VIM: variants seen among roughly 807,000 people sequenced by gnomAD.
The protein encoded by VIM is vimentin.
Under a neutral mutation model 50.3 loss-of-function variants are expected in VIM, and 18 were observed. The ratio of observed to expected loss-of-function variants is 0.36; its 90% CI spans 0.25 to 0.53. The LOEUF is 0.53. Ranked by LOEUF, VIM falls within the 20% of genes least tolerant of loss-of-function variation. VIM has a pLI of 0.91. For synonymous variants in VIM, 245 were observed against 248.5 expected (o/e 0.99, Z 0.13); for missense variants, 551 against 614.7 (o/e 0.90, Z 1.10).
At chr10:17,234,901 TTGAG>T in intron 6 of VIM, 83 bp downstream of exon 6, 1 of 1,582,374 alleles carries the variant, frequency 6.3e-7, no homozygotes, top group Non-Finnish European at 8.7e-7. Context: ...GAACAAAATG[TTGAG>T]TGAGTAAAAA....
intron 2 of VIM, chr10:17,230,274 T>C: frequency 1.7e-6 from 1 of 576,868 alleles, no homozygotes; most frequent in Non-Finnish European, 3.1e-6. Context: ...TTGAAGGCCC[T>C]TGGGCACAAT....
intron 9 of VIM, among the ~76,000 whole-genome samples, chr10:17,236,727 G>A (rs2131684616): frequency 1.3e-5 from 2 of 152,238 alleles, no homozygotes; most frequent in East Asian, 3.9e-4. Context: ...TTTGATCCTG[G>A]ACATATGGTG....
chr10:17,229,331 C>A lies in VIM; in HGVS notation c.-92C>A. The A allele has an allele frequency of 7.4e-7, 1 of 1,356,282 alleles. No homozygotes were observed. Among genetic ancestry groups the A allele is most frequent in the Non-Finnish European group, 1.0e-6 (1 of 988,458 alleles). 84.0% of individuals were successfully genotyped at this position (1,356,282 alleles called of 1,614,324 possible). On this transcript the variant is annotated 5_prime_UTR_variant, in exon 2 of 10. Coordinates refer to ENST00000544301, the MANE Select transcript of VIM (RefSeq NM_003380.5). ...CGCCAGAGACGCAGCCGCGCTCCCA[C>A]CACCCACACCCACCGCGCCCTCGTT...
chr10:17,236,257 T>G, intron 8 of VIM, 37 bp from the exon 9 acceptor site: 1 of 1,491,198 alleles, frequency 6.7e-7, no homozygotes, highest in Non-Finnish European at 9.4e-7. Flanking sequence ...AAGAAAAAAC[T>G]CGTTTTTACT....
intron 5 of VIM, among the ~76,000 whole-genome samples, chr10:17,234,471 AC>A (rs1437173819): frequency 1.3e-5 from 2 of 152,036 alleles, no homozygotes; most frequent in African/African-American, 4.8e-5. Flanking sequence ...CTCCAAGTAA[AC>A]CCCAATGCCA....
intron 5 of VIM, 55 bp downstream of exon 5, chr10:17,233,986 C>T: frequency 6.4e-7 from 1 of 1,564,574 alleles, no homozygotes; most frequent in Non-Finnish European, 8.7e-7. Context: ...GTTCTCAAAA[C>T]CCCATACCTG....
rs564304013 is a variant in VIM at position 17,235,771 on chromosome 10, A to G, written c.1230-75A>G. On this transcript the variant is annotated intron_variant, in intron 7 of 9. Transcript: ENST00000544301. Reference sequence around the variant, plus strand: ...ACGTTTTCTTACGTGACGAAAACAAAAAGTGTGTTAATTTGTTCCCAGTGG... The same window carrying G: ...ACGTTTTCTTACGTGACGAAAACAAGAAGTGTGTTAATTTGTTCCCAGTGG... 31 of 1,430,398 alleles carry G rather than the reference A, an allele frequency of 2.2e-5. No individual in the cohort carries two copies. In the South Asian group the frequency reaches 3.2e-4, roughly 15 times the overall value. The allele number at this position is 1,430,398 out of a possible 1,614,324, so 88.6% of individuals were successfully genotyped here.
chr10:17,237,183 C>T, intron 9 of VIM, 47 bp from the exon 10 acceptor site: 1 of 1,506,706 alleles, frequency 6.6e-7, no homozygotes, highest in Non-Finnish European at 9.1e-7. Context: ...ATAATTTAGT[C>T]TTTGGCATGT....
chr10:17,230,581 G>C (rs760911810), intron 2 of VIM, 69 bp from the exon 3 acceptor site: 13 of 1,563,476 alleles, frequency 8.3e-6, no homozygotes, highest in Non-Finnish European at 1.1e-5. Context: ...AATACGTGGT[G>C]TTTGGGTGTG....
rs934005023 is a variant in VIM, at chr10:17,237,529, C to T, written c.*258C>T. ...GGTATTTTGAATACCATTAAAACTG[C>T]TTTTTTTTTTCCAGCAAGTATCCAA... On this transcript the variant is annotated 3_prime_UTR_variant, in exon 10 of 10. Coordinates refer to ENST00000544301, the MANE Select transcript of VIM (RefSeq NM_003380.5). The T allele has an allele frequency of 1.1e-5, 4 of 366,826 alleles. No homozygotes were observed. The highest frequency in any genetic ancestry group is 5.8e-5 in the South Asian group (1 of 17,362). The allele number at this position is 366,826 out of a possible 1,614,324, so 22.7% of individuals were successfully genotyped here.
chr10:17,230,417 A>T (rs897358528), intron 2 of VIM: 41 of 601,076 alleles, frequency 6.8e-5, no homozygotes, highest in Non-Finnish European at 1.1e-4. Context: ...GGGGGCGGGG[A>T]TGGCGGGGCT....
chr10:17,232,813 TC>T (rs1846819565), intron 3 of VIM, among the ~76,000 whole-genome samples: 1 of 152,260 alleles, frequency 6.6e-6, no homozygotes, highest in Non-Finnish European at 1.5e-5. Flanking sequence ...GTTTCTGTTC[TC>T]CATGTACTCA....
chr10:17,234,614 A>C, intron 5 of VIM, 79 bp from the exon 6 acceptor site: 1 of 1,595,180 alleles, frequency 6.3e-7, no homozygotes. Context: ...ACATTCAGTG[A>C]GAAATATGAT....
chr10:17,234,306 G>A (rs1421494643), intron 5 of VIM, among the ~76,000 whole-genome samples: 1 of 151,960 alleles, frequency 6.6e-6, no homozygotes, highest in Non-Finnish European at 1.5e-5. Flanking sequence ...GTAGAGATGG[G>A]GTTTCACCAT....
Position 17,237,399 on chromosome 10 carries a change from A to G in VIM, c.*128A>G. Reference sequence around the variant, plus strand: ...GAGCGCAAGATAGATTTGGAATAGGAATAAGCTCTAGTTCTTAACAACCGA... The same window carrying G: ...GAGCGCAAGATAGATTTGGAATAGGGATAAGCTCTAGTTCTTAACAACCGA... On this transcript the variant is annotated 3_prime_UTR_variant, in exon 10 of 10. Coordinates refer to ENST00000544301, the MANE Select transcript of VIM (RefSeq NM_003380.5). 1 of 887,882 alleles carries G rather than the reference A, an allele frequency of 1.1e-6. No individual in the cohort carries two copies. Among genetic ancestry groups the G allele is most frequent in the African/African-American group, 1.7e-5 (1 of 58,734 alleles). The allele number at this position is 887,882 out of a possible 1,614,324, so 55.0% of individuals were successfully genotyped here.
chr10:17,233,601 G>A lies in VIM; in HGVS notation c.639G>A (p.Ala213=), dbSNP rs775483110. Residue 213 remains alanine (A), a synonymous_variant, in exon 4 of 10, where the codon GCG becomes GCA. Transcript: ENST00000544301. The part of the protein sequence containing the change: ...LQSFRQDVDN[A]SLARLDLERK... ...GTTCAAAATAGGATGTTGACAATGC[G>A]TCTCTGGCACGTCTTGACCTTGAAC... 33 of 1,614,052 alleles carry A rather than the reference G, an allele frequency of 2.0e-5. No individual in the cohort carries two copies. Among genetic ancestry groups the A allele is most frequent in the Non-Finnish European group, 2.5e-5 (30 of 1,180,040 alleles).
chr10:17,229,571 G>T lies in VIM; in HGVS notation c.149G>T (p.Arg50Leu). 1.2e-6 allele frequency: 2 copies of T among 1,608,674 alleles called. No individual in the cohort carries two copies. The highest frequency in any genetic ancestry group is 1.7e-6 in the Non-Finnish European group (2 of 1,178,566). ...LGSALRPSTSRSLYASSPGGV... is the reference protein window; with the variant it reads ...LGSALRPSTSLSLYASSPGGV... ...AGCGCGCTGCGCCCCAGCACCAGCC[G>T]CAGCCTCTACGCCTCGTCCCCGGGC... The change falls in exon 2 of 10, where the codon CGC becomes CTC. Residue 50 changes from arginine to leucine, a missense_variant. Physicochemically the swap from Arg to Leu is moderately radical, Grantham distance 102. Transcript: ENST00000544301.
chr10:17,233,939 A>G lies in VIM; in HGVS notation c.882+8A>G. On this transcript the variant is annotated splice_region_variant and intron_variant, in intron 5 of 9. Coordinates refer to ENST00000544301, the MANE Select transcript of VIM (RefSeq NM_003380.5). ...GAATGGTACAAATCCAAGGTAGGAA[A>G]CAAATCAGTGCGGCTTCAACCAAAG... 1 of 1,611,592 alleles carries G rather than the reference A, an allele frequency of 6.2e-7. No individual in the cohort carries two copies. Among genetic ancestry groups the G allele is most frequent in the Non-Finnish European group, 8.5e-7 (1 of 1,178,792 alleles).
Position 17,229,331 on chromosome 10 carries a change from C to T in VIM, c.-92C>T, listed in dbSNP as rs1846735893. ...CGCCAGAGACGCAGCCGCGCTCCCA[C>T]CACCCACACCCACCGCGCCCTCGTT... On this transcript the variant is annotated 5_prime_UTR_variant, in exon 2 of 10. Coordinates refer to ENST00000544301, the MANE Select transcript of VIM (RefSeq NM_003380.5). The T allele has an allele frequency of 1.5e-6, 2 of 1,356,170 alleles. No individual in the cohort carries two copies. The highest frequency in any genetic ancestry group is 2.0e-6 in the Non-Finnish European group (2 of 988,466). The allele number at this position is 1,356,170 out of a possible 1,614,324, so 84.0% of individuals were successfully genotyped here.
Sources: allele counts gnomAD v4.1 joint callset (sites outside exome capture counted in the v4.1 genomes callset), GRCh38; gene constraint gnomAD v4.1.1; transcripts MANE v1.5; gene names NCBI Gene and HGNC (gene_info 2026-07-23, HGNC 2026-07-21).